UGT1A3: variants seen among roughly 807,000 people sequenced by gnomAD.
The protein encoded by UGT1A3 is UDP-glucuronosyltransferase 1A3.
Under a neutral mutation model 41.0 loss-of-function variants are expected in UGT1A3, and 31 were observed. The ratio of observed to expected loss-of-function variants is 0.76; its 90% CI spans 0.57 to 1.02. The LOEUF (loss-of-function observed/expected upper bound fraction) is 1.02. Among genes scored for constraint, UGT1A3 ranks in the 50% least tolerant of loss-of-function variants. The pLI is 0.00. For synonymous variants in UGT1A3, 262 were observed against 257.6 expected (o/e 1.02, Z -0.17); for missense variants, 737 against 671.0 (o/e 1.10, Z -1.09).
chr2:233,765,711 TTAA>T (rs10664358), intron 1 of UGT1A3, among the ~76,000 whole-genome samples: 5,413 of 149,254 alleles, frequency 0.036, 331 homozygotes, highest in African/African-American at 0.13. Context: ...ATAATAATAA[TTAA>T]TAATAATAAT....
At position 233,767,903 on chromosome 2, in the gene UGT1A3, CTTG is replaced by C; in HGVS notation, c.1057_1059del (p.Val353del). On this transcript the variant is annotated inframe_deletion, in exon 3 of 5. Coordinates refer to ENST00000482026, the MANE Select transcript of UGT1A3 (RefSeq NM_019093.4). ...ATCGAATCTTGCGAACAACACGATA[CTTG>C]TTAAGTGGCTACCCCAAAACGATCT... 1 of 1,614,178 alleles carries C rather than the reference CTTG, an allele frequency of 6.2e-7. No individual in the cohort carries two copies.
rs1164529541 is a variant in UGT1A3, at chr2:233,729,730, T to G, written c.604T>G (p.Ser202Ala). 1.2e-6 allele frequency: 2 copies of G among 1,613,840 alleles called. No individual in the cohort carries two copies. Among genetic ancestry groups the G allele is most frequent in the Non-Finnish European group, 1.7e-6 (2 of 1,179,860 alleles). ...SYIPRLLTTNSDHMTFMQRVK... is the reference protein window; with the variant it reads ...SYIPRLLTTNADHMTFMQRVK... Reference sequence around the variant, plus strand: ...TATTCCTAGATTACTAACAACCAATTCAGACCACATGACATTCATGCAAAG... The same window carrying G: ...TATTCCTAGATTACTAACAACCAATGCAGACCACATGACATTCATGCAAAG... Residue 202 changes from serine to alanine, a missense_variant, in exon 1 of 5, where the codon TCA (serine) becomes GCA (alanine). Coordinates refer to ENST00000482026, the MANE Select transcript of UGT1A3 (RefSeq NM_019093.4).
intron 1 of UGT1A3, among the ~76,000 whole-genome samples, chr2:233,746,352 C>T (rs540725782): frequency 6.6e-6 from 1 of 151,844 alleles, no homozygotes; most frequent in African/African-American, 2.4e-5. Flanking sequence ...TTATGTTGCT[C>T]CTTTAGTAAC....
At chr2:233,761,337 T>C (rs1199702907) in intron 1 of UGT1A3, among the ~76,000 whole-genome samples, 1 of 152,264 alleles carries the variant, frequency 6.6e-6, no homozygotes, top group Non-Finnish European at 1.5e-5. Context: ...GATTTCTTGG[T>C]ATCTGAGATT....
intron 1 of UGT1A3, chr2:233,754,267 A>C (rs1695437171): frequency 5.7e-6 from 1 of 176,798 alleles, no homozygotes; most frequent in African/African-American, 2.4e-5. Flanking sequence ...GTAAGGCTCA[A>C]AGTGCTGAGA....
chr2:233,749,735 T>C (rs1694263378), intron 1 of UGT1A3, among the ~76,000 whole-genome samples: 1 of 151,892 alleles, frequency 6.6e-6, no homozygotes, highest in Non-Finnish European at 1.5e-5. Context: ...CACCTGCTGG[T>C]CTCATCATAG....
rs562389152 is a variant in UGT1A3 at position 233,767,124 on chromosome 2, G to C, written c.958G>C (p.Ala320Pro). The C allele has an allele frequency of 6.2e-7, 1 of 1,614,112 alleles. No individual in the cohort carries two copies. The highest frequency in any genetic ancestry group is 2.2e-5 in the East Asian group (1 of 44,864). Residue 320 changes from alanine (A) to proline (P), a missense_variant, in exon 2 of 5, where the codon GCT (alanine) becomes CCT (proline). Transcript: ENST00000482026. ...GGTCTCAGAAATTCCAGAGAAGAAA[G>C]CTATGGCAATTGCTGATGCTTTGGG... ...SMVSEIPEKK[A>P]MAIADALGKI...
intron 4 of UGT1A3, chr2:233,770,945 C>A (rs537203065): frequency 1.3e-5 from 2 of 152,232 alleles, no homozygotes; most frequent in African/African-American, 4.8e-5. Flanking sequence ...GCCGGGGGAA[C>A]CTCAGGGAGC....
rs1341350093 is a variant in UGT1A3, at chr2:233,769,045, A to G, written c.1307+606A>G. ...AGTTGCCATAATAGACATCTGATCC[A>G]TAAGTTTCCTGCACAGAAAGAAATA... On this transcript the variant is annotated intron_variant, in intron 4 of 4. Transcript: ENST00000482026. This position sits in a 1 kb window ranked among gnomAD's most constrained non-coding sequence, Gnocchi z 4.4. Among the ~76,000 whole-genome samples, 2 of 152,222 alleles carry G rather than the reference A, an allele frequency of 1.3e-5. No homozygotes were observed. Among genetic ancestry groups the G allele is most frequent in the African/African-American group, 2.4e-5 (1 of 41,450 alleles).
intron 1 of UGT1A3, among the ~76,000 whole-genome samples, chr2:233,753,908 C>T (rs1252814204): frequency 6.6e-6 from 1 of 152,246 alleles, no homozygotes; most frequent in South Asian, 2.1e-4. Context: ...CTTCTTACAC[C>T]GATTTCAGCT....
intron 1 of UGT1A3, among the ~76,000 whole-genome samples, chr2:233,765,525 A>G (rs1329952354): frequency 6.6e-6 from 1 of 152,210 alleles, no homozygotes; most frequent in East Asian, 1.9e-4. Flanking sequence ...CAAACACCGC[A>G]TGTTCTCACT....
chr2:233,755,000 G>C, intron 1 of UGT1A3: 1 of 1,293,096 alleles, frequency 7.7e-7, no homozygotes, highest in Non-Finnish European at 1.0e-6. Flanking sequence ...GGAAGCTGAA[G>C]ACCTACTCGA....
intron 1 of UGT1A3, chr2:233,740,604 A>T (rs537335169): frequency 3.9e-5 from 6 of 151,968 alleles, no homozygotes; most frequent in Non-Finnish European, 5.9e-5. Flanking sequence ...ACAGGTCTCC[A>T]GGTCTCTTGG....
intron 1 of UGT1A3, among the ~76,000 whole-genome samples, chr2:233,748,850 A>G (rs542055799): frequency 6.6e-6 from 1 of 151,628 alleles, no homozygotes; most frequent in East Asian, 1.9e-4. Context: ...GTGAGCGTAT[A>G]AGCCCAGTTA....
At chr2:233,743,662 G>A (rs34622615) in intron 1 of UGT1A3, 13 of 1,367,072 alleles carry the variant, frequency 9.5e-6, no homozygotes, top group African/African-American at 1.5e-5. Context: ...ACTCGAAGGG[G>A]TCCTCGAAGG....
intron 1 of UGT1A3, among the ~76,000 whole-genome samples, chr2:233,738,177 G>A (rs1690719124): frequency 1.3e-5 from 2 of 152,158 alleles, no homozygotes; most frequent in Non-Finnish European, 2.9e-5. Context: ...TTTCATGTAA[G>A]ACGTGTCTTT....
At chr2:233,768,114 G>A (rs763965900) in intron 3 of UGT1A3, 106 bp from the exon 4 acceptor site, 19 of 1,597,766 alleles carry the variant, frequency 1.2e-5, no homozygotes, top group Non-Finnish European at 1.6e-5. Flanking sequence ...TTCTGCAAGG[G>A]CATGTGAGTA....
intron 1 of UGT1A3, among the ~76,000 whole-genome samples, chr2:233,736,119 C>T (rs933260681): frequency 3.9e-5 from 6 of 152,336 alleles, no homozygotes; most frequent in South Asian, 2.1e-4. Context: ...CAACTTGTTT[C>T]CATTCTCCGC....
intron 1 of UGT1A3, chr2:233,743,733 G>A (rs949975964): frequency 8.8e-6 from 12 of 1,367,248 alleles, no homozygotes; most frequent in Admixed American, 7.6e-5. Flanking sequence ...TAGATATCGC[G>A]TTTCTTGGCG....
Sources: gnomAD v4.1 joint callset for allele counts (sites outside exome capture counted in the v4.1 genomes callset) on GRCh38, gnomAD v4.1.1 for gene constraint, Gnocchi (gnomAD v3.1) non-coding constraint, MANE v1.5 for transcripts, NCBI Gene and HGNC (gene_info 2026-07-23, HGNC 2026-07-21) for gene names.